The following CDH18 variants were observed in gnomAD, a reference collection of about 807,000 sequenced individuals.
CDH18 encodes the protein cadherin-18.
In CDH18, 31 loss-of-function variants were observed where a neutral mutation model predicts 67.9. The ratio of observed to expected loss-of-function variants is 0.46; its 90% CI spans 0.34 to 0.62. The LOEUF (loss-of-function observed/expected upper bound fraction) is 0.62. Among genes scored for constraint, CDH18 ranks in the 20% least tolerant of loss-of-function variants. The pLI, the probability that CDH18 is intolerant of heterozygous loss-of-function variation, is 0.01. For synonymous variants in CDH18, 362 were observed against 347.2 expected (o/e 1.04, Z -0.48); for missense variants, 890 against 975.5 (o/e 0.91, Z 1.17).
At chr5:20,412,212 C>G (rs1746847712) in intron 1 of CDH18, among the ~76,000 whole-genome samples, 1 of 152,020 alleles carries the variant, frequency 6.6e-6, no homozygotes. Flanking sequence ...ATAAACAAAG[C>G]CACACACCTA....
chr5:20,052,247 C>T (rs964103344), intron 2 of CDH18, among the ~76,000 whole-genome samples: 1 of 152,026 alleles, frequency 6.6e-6, no homozygotes, highest in African/African-American at 2.4e-5. Flanking sequence ...CCCTTAGTGA[C>T]ATGGCATGTC....
chr5:19,757,298 A>G (rs568717094), intron 3 of CDH18, among the ~76,000 whole-genome samples: 159 of 152,322 alleles, frequency 1.0e-3, no homozygotes, highest in Non-Finnish European at 1.8e-3. Flanking sequence ...CCTTTCCATG[A>G]TGGAGGAGGT....
intron 1 of CDH18, among the ~76,000 whole-genome samples, chr5:20,574,615 A>T (rs540873942): frequency 6.6e-6 from 1 of 152,068 alleles, no homozygotes; most frequent in African/African-American, 2.4e-5. Context: ...AGGTCAATCA[A>T]ATACATCAGG....
At chr5:19,826,300 C>T (rs78341677) in intron 3 of CDH18, among the ~76,000 whole-genome samples, 1 of 152,218 alleles carries the variant, frequency 6.6e-6, no homozygotes, top group East Asian at 1.9e-4. Flanking sequence ...ACTTGGAAAA[C>T]AGATTTGAAG....
intron 3 of CDH18, among the ~76,000 whole-genome samples, chr5:19,830,191 G>A (rs1379529936): frequency 2.0e-5 from 3 of 152,164 alleles, no homozygotes; most frequent in Middle Eastern, 3.4e-3. Context: ...TGACAAATGG[G>A]ACCTAGTTAA....
intron 2 of CDH18, among the ~76,000 whole-genome samples, chr5:20,176,311 A>G (rs985466671): frequency 3.3e-5 from 5 of 152,132 alleles, no homozygotes; most frequent in African/African-American, 1.2e-4. Flanking sequence ...TTTTCAAAAT[A>G]GTTCATATTT....
rs146599665 is a variant in CDH18 at position 20,181,740 on chromosome 5, G to A, written c.-518+73704C>T. ...TATCAGTTATCCAGGGCCTGCTTGC[G>A]TTAAAGCATTATGTTTGTGTCTTCT... On this transcript the variant is annotated intron_variant, in intron 2 of 14. Transcript: ENST00000507958. Among the ~76,000 whole-genome samples, 357 of 152,126 alleles carry A rather than the reference G, an allele frequency of 2.3e-3. 1 individual carries two copies. The highest frequency in any genetic ancestry group is 4.5e-3 in the Admixed American group (69 of 15,256).
In CDH18 at chr5:20,436,892, C is replaced by A. The variant is rs188487089; in HGVS notation, c.-580+138570G>T. On this transcript the variant is annotated intron_variant, in intron 1 of 14. Transcript: ENST00000507958. Reference sequence around the variant, plus strand: ...CAGCAATTCATCATAAATTATTATTCTATGAGGAACATTTAGATTTGAGTT... The same window carrying A: ...CAGCAATTCATCATAAATTATTATTATATGAGGAACATTTAGATTTGAGTT... 1.1e-4 allele frequency among the ~76,000 whole-genome samples: 16 copies of A among 150,870 alleles called. No homozygotes were observed. In the South Asian group the frequency reaches 3.3e-3, roughly 31 times the overall value.
intron 2 of CDH18, among the ~76,000 whole-genome samples, chr5:20,188,676 G>T (rs1738291871): frequency 6.6e-6 from 1 of 151,836 alleles, no homozygotes; most frequent in East Asian, 1.9e-4. Context: ...TTTAAATCCA[G>T]TTCTCACTGA....
rs562586462 is a variant in CDH18, at chr5:20,515,832, G to A, written c.-580+59630C>T. ...CTTCCTTCAGTTGGTGCTGGCAGATGTCTTACTTTCGCATCTATGAACATT... is the reference window on the plus strand; with the variant it reads ...CTTCCTTCAGTTGGTGCTGGCAGATATCTTACTTTCGCATCTATGAACATT... On this transcript the variant is annotated intron_variant, in intron 1 of 14. Coordinates refer to the CDH18 transcript ENST00000507958. Among the ~76,000 whole-genome samples, 3 of 152,112 alleles carry A rather than the reference G, an allele frequency of 2.0e-5. No homozygotes were observed. In the South Asian group the frequency reaches 6.2e-4, roughly 32 times the overall value.
intron 4 of CDH18, among the ~76,000 whole-genome samples, chr5:19,727,919 T>C (rs1767063119): frequency 6.6e-6 from 1 of 152,190 alleles, no homozygotes; most frequent in Non-Finnish European, 1.5e-5. Context: ...GGCACTTTAA[T>C]AAAGAATTTT....
chr5:20,373,758 T>A (rs1462800401), intron 1 of CDH18, among the ~76,000 whole-genome samples: 1 of 152,046 alleles, frequency 6.6e-6, no homozygotes, highest in African/African-American at 2.4e-5. Flanking sequence ...AGTGAATGAG[T>A]AAATATAGAC....
rs1033946734 is a variant in CDH18 at position 19,543,787 on chromosome 5, T to A, written c.1390+82A>T. ...ATCCTGATATCAAAAATAAAGATTATGAGAGCCCTGCTCTTAAGGAAATTT... is the reference window on the plus strand; with the variant it reads ...ATCCTGATATCAAAAATAAAGATTAAGAGAGCCCTGCTCTTAAGGAAATTT... On this transcript the variant is annotated intron_variant, in intron 9 of 12. Coordinates refer to ENST00000382275, the MANE Select transcript of CDH18 (RefSeq NM_004934.5). The A allele has an allele frequency of 3.2e-6, 3 of 949,632 alleles. No homozygotes were observed. The African/African-American group carries it at 4.9e-5, about 15-fold the overall frequency. 58.8% of individuals were successfully genotyped at this position (949,632 alleles called of 1,614,324 possible).
At chr5:19,691,018 T>G (rs1260035408) in intron 5 of CDH18, among the ~76,000 whole-genome samples, 1 of 151,690 alleles carries the variant, frequency 6.6e-6, no homozygotes, top group East Asian at 1.9e-4. Flanking sequence ...AATGCAAAAA[T>G]CTTCAATAAA....
At chr5:20,462,208 T>A (rs1162905106) in intron 1 of CDH18, among the ~76,000 whole-genome samples, 1 of 152,122 alleles carries the variant, frequency 6.6e-6, no homozygotes, top group African/African-American at 2.4e-5. Context: ...ATCATGTCAT[T>A]TGCAACAAGG....
At chr5:19,509,796 A>C (rs1744836420) in intron 10 of CDH18, among the ~76,000 whole-genome samples, 1 of 152,060 alleles carries the variant, frequency 6.6e-6, no homozygotes, top group Admixed American at 6.6e-5. Context: ...GCATATCTAA[A>C]TTTTTCTTAA....
intron 5 of CDH18, among the ~76,000 whole-genome samples, chr5:19,652,211 T>G (rs1755681035): frequency 6.6e-6 from 1 of 152,076 alleles, no homozygotes; most frequent in Admixed American, 6.6e-5. Context: ...CATATTTTTC[T>G]GGGAATTTTT....
intron 8 of CDH18, among the ~76,000 whole-genome samples, chr5:19,555,751 C>T (rs901516777): frequency 6.6e-6 from 1 of 152,144 alleles, no homozygotes; most frequent in Non-Finnish European, 1.5e-5. Context: ...ACTGCCTGAT[C>T]CTCCCTATAC....
chr5:20,474,967 C>T (rs559962736), intron 1 of CDH18, among the ~76,000 whole-genome samples: 1 of 152,284 alleles, frequency 6.6e-6, no homozygotes, highest in South Asian at 2.1e-4. Context: ...AATAGCATAA[C>T]TTCCCAGTAT....
Sources: gnomAD v4.1 joint callset for allele counts (sites outside exome capture counted in the v4.1 genomes callset) on GRCh38, gnomAD v4.1.1 for gene constraint, MANE v1.5 for transcripts, NCBI Gene and HGNC (gene_info 2026-07-23, HGNC 2026-07-21) for gene names.